HEMK2: variants seen among roughly 807,000 people sequenced by gnomAD.
HEMK2 encodes HemK methyltransferase 2, ETF1 glutamine and histone H4 lysine.
At chr21:28,597,517 T>G in the HEMK2 span, among the ~76,000 whole-genome samples, 1 of 152,210 alleles carries the variant, frequency 6.6e-6, no homozygotes, top group East Asian at 1.9e-4. Flanking sequence ...AGGGAAGACT[T>G]GAGAAACAGC....
At chr21:28,578,028 T>C in the HEMK2 span, among the ~76,000 whole-genome samples, 2 of 152,216 alleles carry the variant, frequency 1.3e-5, no homozygotes, top group East Asian at 1.9e-4. Flanking sequence ...ACCCCTTCCA[T>C]TGTTTCCATT....
the HEMK2 span, among the ~76,000 whole-genome samples, chr21:28,596,455 A>T: frequency 6.6e-6 from 1 of 152,252 alleles, no homozygotes; most frequent in Non-Finnish European, 1.5e-5. Context: ...GTTCTAAATT[A>T]TAAGTGATGT....
chr21:28,693,772 T>C, the HEMK2 span, among the ~76,000 whole-genome samples: 6 of 152,300 alleles, frequency 3.9e-5, no homozygotes, highest in African/African-American at 9.6e-5. Flanking sequence ...CAGTGACACA[T>C]TGGCAATCTC....
the HEMK2 span, among the ~76,000 whole-genome samples, chr21:28,812,106 T>C: frequency 6.6e-6 from 1 of 152,206 alleles, no homozygotes; most frequent in Non-Finnish European, 1.5e-5. Flanking sequence ...AAACGAAAAT[T>C]GCTGGGCATT....
chr21:28,594,505 A>AT, the HEMK2 span, among the ~76,000 whole-genome samples: 2 of 152,186 alleles, frequency 1.3e-5, no homozygotes, highest in African/African-American at 2.4e-5. Context: ...TAAAAAATTA[A>AT]TTTTTATAAA....
the HEMK2 span, among the ~76,000 whole-genome samples, chr21:28,586,548 A>AT: frequency 0.49 from 73,780 of 151,996 alleles, 18,630 homozygotes; most frequent in Middle Eastern, 0.59. Flanking sequence ...CCTCATTTGC[A>AT]TTTTATAAGC....
chr21:28,798,820 C>T, the HEMK2 span, among the ~76,000 whole-genome samples: 2 of 152,302 alleles, frequency 1.3e-5, 1 homozygote, highest in Admixed American at 1.3e-4. Context: ...AATCTCCATG[C>T]ATTGCTCATT....
the HEMK2 span, among the ~76,000 whole-genome samples, chr21:28,770,617 T>C: frequency 6.6e-5 from 10 of 152,104 alleles, no homozygotes; most frequent in Non-Finnish European, 1.5e-5. Context: ...AATGTCATTA[T>C]TGTGGGAGTG....
the HEMK2 span, among the ~76,000 whole-genome samples, chr21:28,724,477 C>G: frequency 6.6e-6 from 1 of 152,150 alleles, no homozygotes; most frequent in Non-Finnish European, 1.5e-5. Context: ...AGGGGGAAAA[C>G]CTGCTTATTT....
chr21:28,604,477 T>C, the HEMK2 span, among the ~76,000 whole-genome samples: 2 of 152,208 alleles, frequency 1.3e-5, no homozygotes, highest in African/African-American at 4.8e-5. Context: ...CCATTCCCTA[T>C]ATGAGAAAGA....
chr21:28,668,288 A>AT, the HEMK2 span, among the ~76,000 whole-genome samples: 10 of 152,302 alleles, frequency 6.6e-5, no homozygotes, highest in African/African-American at 1.9e-4. Context: ...ATAATGCTGC[A>AT]TAAGAAGCAA....
the HEMK2 span, among the ~76,000 whole-genome samples, chr21:28,797,442 CA>C: frequency 7.9e-4 from 100 of 127,168 alleles, no homozygotes; most frequent in Middle Eastern, 3.9e-3. Flanking sequence ...CCAAAAAAAA[CA>C]AAAAAAAAAA....
At chr21:28,714,512 T>A in the HEMK2 span, among the ~76,000 whole-genome samples, 1 of 152,124 alleles carries the variant, frequency 6.6e-6, no homozygotes, top group African/African-American at 2.4e-5. Context: ...CAGCTCCAGG[T>A]TGGAAACAAT....
the HEMK2 span, among the ~76,000 whole-genome samples, chr21:28,766,443 T>TG: frequency 0.43 from 65,594 of 151,302 alleles, 15,473 homozygotes; most frequent in African/African-American, 0.61. Flanking sequence ...GAAAACAGTA[T>TG]GAGATGCCTT....
the HEMK2 span, among the ~76,000 whole-genome samples, chr21:28,659,961 A>G: frequency 6.6e-6 from 1 of 152,036 alleles, no homozygotes; most frequent in Non-Finnish European, 1.5e-5. Flanking sequence ...ATAGCTTTCT[A>G]TTTATTAGAT....
At chr21:28,801,163 T>C in the HEMK2 span, among the ~76,000 whole-genome samples, 3 of 152,250 alleles carry the variant, frequency 2.0e-5, no homozygotes, top group Non-Finnish European at 4.4e-5. Context: ...AAACATTTAT[T>C]AACCAAATGC....
chr21:28,656,328 C>T, the HEMK2 span, among the ~76,000 whole-genome samples: 1 of 152,026 alleles, frequency 6.6e-6, no homozygotes, highest in Non-Finnish European at 1.5e-5. Flanking sequence ...CCACTAACGG[C>T]TTGTGGAGAG....
the HEMK2 span, among the ~76,000 whole-genome samples, chr21:28,784,522 A>G: frequency 2.6e-5 from 4 of 151,800 alleles, no homozygotes; most frequent in Non-Finnish European, 5.9e-5. Context: ...AAATGCACCA[A>G]TCAGCACCCT....
the HEMK2 span, among the ~76,000 whole-genome samples, chr21:28,598,214 G>C: frequency 1.3e-5 from 2 of 152,202 alleles, no homozygotes; most frequent in Non-Finnish European, 2.9e-5. Flanking sequence ...GTTTCTGCCT[G>C]ATAAGAGTCC....
Sources: gnomAD v4.1 joint callset for allele counts (sites outside exome capture counted in the v4.1 genomes callset) on GRCh38, gnomAD v4.1.1 for gene constraint, MANE v1.5 for transcripts, NCBI Gene and HGNC (gene_info 2026-07-23, HGNC 2026-07-21) for gene names.